YIPF7: variants seen among roughly 807,000 people sequenced by gnomAD.
YIPF7 encodes the protein Yip1 domain family member 7.
Under a neutral mutation model 27.2 loss-of-function variants are expected in YIPF7, and 35 were observed. The ratio of observed to expected loss-of-function variants is 1.29; its 90% CI spans 0.98 to 1.70. The LOEUF is 1.70. Among genes scored for constraint, YIPF7 ranks in the 40% most tolerant of loss-of-function variants. The probability of loss-of-function intolerance (pLI) is 0.00; values close to 1 mark genes in which losing one functional copy is unlikely to be tolerated. For synonymous variants in YIPF7, 137 were observed against 110.4 expected, an observed-to-expected ratio of 1.24 and a Z score of -1.51; for missense variants, 358 against 303.7, an observed-to-expected ratio of 1.18 and a Z score of -1.33.
chr4:44,637,430 G>C (rs1478557101), intron 2 of YIPF7, among the ~76,000 whole-genome samples: 1 of 152,010 alleles, frequency 6.6e-6, no homozygotes, highest in African/African-American at 2.4e-5. Context: ...ATTTTAATAA[G>C]AGCCATTCTG....
Position 44,636,044 on chromosome 4 carries a change from G to A in YIPF7, c.158C>T (p.Pro53Leu). Residue 53 changes from proline to leucine, a missense_variant, in exon 3 of 6, where the codon CCA becomes CTA. Physicochemically the swap from Pro to Leu is moderately conservative, Grantham distance 98. Transcript: ENST00000415895. ...ACCCGATGACATGAGCATCTCTGATGGAACAAAGGAGGCAGGCTGAGGCTG... is the reference window on the plus strand; with the variant it reads ...ACCCGATGACATGAGCATCTCTGATAGAACAAAGGAGGCAGGCTGAGGCTG... ...GEQPQPASFV[P>L]SEMLMSSGYA... The A allele has an allele frequency of 6.2e-7, 1 of 1,613,498 alleles. No individual in the cohort carries two copies. The highest frequency in any genetic ancestry group is 1.1e-5 in the South Asian group (1 of 91,018).
At chr4:44,622,713 G>A in intron 5 of YIPF7, 137 bp from the exon 6 acceptor site, 2 of 1,129,938 alleles carry the variant, frequency 1.8e-6, no homozygotes, top group South Asian at 3.5e-5. Context: ...TAAAATATAT[G>A]AACAAAAGCC....
intron 4 of YIPF7, among the ~76,000 whole-genome samples, chr4:44,626,907 C>T (rs1358404988): frequency 6.6e-6 from 1 of 151,002 alleles, no homozygotes; most frequent in Non-Finnish European, 1.5e-5. Flanking sequence ...TCCCGCGTAG[C>T]TGGGACTACA....
chr4:44,644,038 C>T (rs1247935164), intron 2 of YIPF7, among the ~76,000 whole-genome samples: 2 of 152,152 alleles, frequency 1.3e-5, no homozygotes, highest in African/African-American at 4.8e-5. Context: ...GGGCCATCAT[C>T]ATCCAGACCC....
chr4:44,622,508 A>G lies in YIPF7; in HGVS notation c.677T>C (p.Phe226Ser). ...GWCSLSASKI[F>S]IAALHMEGQQ... ...TCCTTCCATGTGCAAGGCTGCAATG[A>G]AGATCTTGGAAGCTGAGAGACTACA... Residue 226 changes from phenylalanine to serine, a missense_variant, in exon 6 of 6, where the codon TTC becomes TCC. Phe to Ser is a radical substitution (Grantham distance 155). Transcript: ENST00000415895. 1 of 1,613,924 alleles carries G rather than the reference A, an allele frequency of 6.2e-7. No individual in the cohort carries two copies. Among genetic ancestry groups the G allele is most frequent in the Non-Finnish European group, 8.5e-7 (1 of 1,179,842 alleles).
intron 3 of YIPF7, among the ~76,000 whole-genome samples, chr4:44,634,737 T>A (rs1488000239): frequency 6.6e-6 from 1 of 152,220 alleles, no homozygotes; most frequent in Non-Finnish European, 1.5e-5. Flanking sequence ...GATAGTCATG[T>A]CTTTGAGACA....
chr4:44,651,785 A>T, upstream of YIPF7: 1 of 444,958 alleles, frequency 2.2e-6, no homozygotes, highest in Non-Finnish European at 4.0e-6. Flanking sequence ...ACAGTGTTAC[A>T]GACTTACAAT....
upstream of YIPF7, among the ~76,000 whole-genome samples, chr4:44,654,526 A>G (rs994023075): frequency 3.3e-5 from 5 of 151,576 alleles, no homozygotes; most frequent in African/African-American, 4.8e-5. Flanking sequence ...GATCCTATCT[A>G]TTCCCATGGC....
chr4:44,627,337 G>C (rs1179392376), intron 4 of YIPF7, among the ~76,000 whole-genome samples: 1 of 152,152 alleles, frequency 6.6e-6, no homozygotes, highest in Non-Finnish European at 1.5e-5. Flanking sequence ...CCTACTGAAA[G>C]AATTGTGTCT....
chr4:44,646,602 TC>T (rs1271087761), intron 2 of YIPF7, among the ~76,000 whole-genome samples: 1 of 152,158 alleles, frequency 6.6e-6, no homozygotes, highest in African/African-American at 2.4e-5. Context: ...TTGGAAATTA[TC>T]CCTATCTGAA....
chr4:44,641,241 C>T (rs1483863918), intron 2 of YIPF7, among the ~76,000 whole-genome samples: 1 of 152,020 alleles, frequency 6.6e-6, no homozygotes, highest in East Asian at 1.9e-4. Flanking sequence ...TGTTGAATTC[C>T]AATGTTCTGC....
chr4:44,626,110 C>T (rs1374452155), intron 4 of YIPF7, among the ~76,000 whole-genome samples: 1 of 152,190 alleles, frequency 6.6e-6, no homozygotes, highest in Non-Finnish European at 1.5e-5. Flanking sequence ...AATTCTTCTT[C>T]CTCTGCAGTT....
intron 4 of YIPF7, among the ~76,000 whole-genome samples, chr4:44,625,357 G>C (rs922913963): frequency 6.6e-6 from 1 of 152,128 alleles, no homozygotes; most frequent in Non-Finnish European, 1.5e-5. Context: ...GTAATATAAC[G>C]CTAAGCAATG....
upstream of YIPF7, among the ~76,000 whole-genome samples, chr4:44,655,859 C>A (rs1431977841): frequency 6.6e-6 from 1 of 151,676 alleles, no homozygotes; most frequent in Non-Finnish European, 1.5e-5. Context: ...TACAGAGACA[C>A]ATGAAAATGG....
At chr4:44,626,211 T>C (rs1313974627) in intron 4 of YIPF7, among the ~76,000 whole-genome samples, 1 of 152,092 alleles carries the variant, frequency 6.6e-6, no homozygotes, top group Non-Finnish European at 1.5e-5. Context: ...TAAATTCTTA[T>C]GATACCTTCT....
chr4:44,646,588 A>G (rs1041553179), intron 2 of YIPF7, among the ~76,000 whole-genome samples: 2 of 152,040 alleles, frequency 1.3e-5, no homozygotes, highest in African/African-American at 4.8e-5. Flanking sequence ...CTACCTATAG[A>G]TGGTTGGAAA....
chr4:44,647,501 C>A (rs1577742529), intron 2 of YIPF7, among the ~76,000 whole-genome samples: 1 of 152,248 alleles, frequency 6.6e-6, no homozygotes, highest in South Asian at 2.1e-4. Context: ...TAGTAGATAT[C>A]TTTCATTGTG....
upstream of YIPF7, among the ~76,000 whole-genome samples, chr4:44,653,819 T>C (rs1408286956): frequency 6.6e-6 from 1 of 152,180 alleles, no homozygotes; most frequent in Non-Finnish European, 1.5e-5. Flanking sequence ...ACATAGGTCC[T>C]TTTCTAAAAC....
chr4:44,625,336 C>A (rs12650035), intron 4 of YIPF7, among the ~76,000 whole-genome samples: 60,534 of 151,898 alleles, frequency 0.4, 12,341 homozygotes, highest in East Asian at 0.55. Flanking sequence ...ATGATAAGTA[C>A]CTTGCCCAAG....
Sources: gnomAD v4.1 joint callset for allele counts (sites outside exome capture counted in the v4.1 genomes callset) on GRCh38, gnomAD v4.1.1 for gene constraint, MANE v1.5 for transcripts, NCBI Gene and HGNC (gene_info 2026-07-23, HGNC 2026-07-21) for gene names.